BRINP1: variants seen among roughly 807,000 people sequenced by gnomAD.
BRINP1 encodes BMP/retinoic acid-inducible neural-specific protein 1.
In BRINP1, 17 loss-of-function variants were observed where a neutral mutation model predicts 72.9. That is an observed-to-expected ratio of 0.23 (90% confidence interval 0.16 to 0.35). The LOEUF (loss-of-function observed/expected upper bound fraction) is 0.35, where lower values mean the gene tolerates loss of function less well. Among genes scored for constraint, BRINP1 ranks in the 10% least tolerant of loss-of-function variants. The pLI is 1.00. For synonymous variants in BRINP1, 418 were observed against 378.5 expected (o/e 1.10, Z -1.21); for missense variants, 850 against 1,001.6 (o/e 0.85, Z 2.04).
chr9:119,237,368 ATTATTATT>A (rs1285777497), intron 5 of BRINP1, among the ~76,000 whole-genome samples: 5 of 150,304 alleles, frequency 3.3e-5, no homozygotes, highest in Non-Finnish European at 5.9e-5. Context: ...TATTATTATT[ATTATTATT>A]TTGAGGTGGA....
intron 1 of BRINP1, among the ~76,000 whole-genome samples, chr9:119,317,168 G>C (rs755079833): frequency 4.6e-5 from 7 of 152,128 alleles, no homozygotes; most frequent in African/African-American, 7.2e-5. Flanking sequence ...TCCTCTGATG[G>C]ATCTGGGCAT....
chr9:119,278,260 C>G (rs750182796), intron 2 of BRINP1, among the ~76,000 whole-genome samples: 9 of 152,162 alleles, frequency 5.9e-5, no homozygotes, highest in African/African-American at 2.4e-5. Context: ...ATCCCCTCTT[C>G]GCCTCCCTGC....
Position 119,299,748 on chromosome 9 carries a change from A to G in BRINP1, c.218+13390T>C, listed in dbSNP as rs986462610. On this transcript the variant is annotated intron_variant, in intron 2 of 7. Transcript: ENST00000265922. ...AGATTTCCTTCTTTTTGAAGACTGAATAGTATTCCATCATGTATGTATACC... is the reference window on the plus strand; with the variant it reads ...AGATTTCCTTCTTTTTGAAGACTGAGTAGTATTCCATCATGTATGTATACC... Among the ~76,000 whole-genome samples, 38 of 152,154 alleles carry G rather than the reference A, an allele frequency of 2.5e-4. 1 individual carries two copies. Among genetic ancestry groups the G allele is most frequent in the African/African-American group, 9.2e-4 (38 of 41,416 alleles).
intron 2 of BRINP1, among the ~76,000 whole-genome samples, chr9:119,266,821 G>A (rs1830552921): frequency 6.6e-6 from 1 of 152,208 alleles, no homozygotes; most frequent in South Asian, 2.1e-4. Context: ...TGTTGCAAAT[G>A]AAAGAATTTC....
At chr9:119,169,402 C>CCT in intron 7 of BRINP1, among the ~76,000 whole-genome samples, 1 of 152,296 alleles carries the variant, frequency 6.6e-6, no homozygotes, top group African/African-American at 2.4e-5. Flanking sequence ...ACTCCCCCAC[C>CCT]GAATACTGTG....
chr9:119,240,086 T>C (rs141805305), intron 4 of BRINP1, among the ~76,000 whole-genome samples: 48 of 152,124 alleles, frequency 3.2e-4, no homozygotes, highest in Non-Finnish European at 5.9e-4. Context: ...CTGGCCAACA[T>C]GGTGAAACCC....
At chr9:119,362,223 T>C (rs994758425) in intron 1 of BRINP1, among the ~76,000 whole-genome samples, 9 of 152,266 alleles carry the variant, frequency 5.9e-5, no homozygotes, top group Admixed American at 2.6e-4. Flanking sequence ...GATAGGTTCT[T>C]GAGGGGGTCT....
chr9:119,320,470 T>C (rs542353795), intron 1 of BRINP1, among the ~76,000 whole-genome samples: 2 of 152,178 alleles, frequency 1.3e-5, no homozygotes, highest in Non-Finnish European at 2.9e-5. Context: ...AAAGAGCTTA[T>C]TTTTGGTTAG....
At chr9:119,237,874 C>T (rs1444274541) in intron 5 of BRINP1, among the ~76,000 whole-genome samples, 2 of 147,270 alleles carry the variant, frequency 1.4e-5, no homozygotes, top group Non-Finnish European at 3.0e-5. Context: ...ATTGGCCAGG[C>T]TGGACTTAAA....
intron 7 of BRINP1, among the ~76,000 whole-genome samples, chr9:119,205,566 T>C (rs148967706): frequency 2.0e-5 from 3 of 152,270 alleles, no homozygotes; most frequent in East Asian, 3.9e-4. Flanking sequence ...TTACTAGTGG[T>C]AGGACAAATC....
chr9:119,364,138 G>A (rs1301479233), intron 1 of BRINP1, among the ~76,000 whole-genome samples: 1 of 151,646 alleles, frequency 6.6e-6, no homozygotes, highest in African/African-American at 2.4e-5. Flanking sequence ...CAGAAGACAG[G>A]GCTGTGAAGA....
At chr9:119,247,543 T>C (rs1044002388) in intron 3 of BRINP1, among the ~76,000 whole-genome samples, 1 of 151,374 alleles carries the variant, frequency 6.6e-6, no homozygotes, top group African/African-American at 2.4e-5. Context: ...TAGTCCCAGC[T>C]GCTCGGCGGG....
intron 3 of BRINP1, among the ~76,000 whole-genome samples, chr9:119,244,370 A>G (rs1255869664): frequency 6.6e-6 from 1 of 152,196 alleles, no homozygotes; most frequent in Non-Finnish European, 1.5e-5. Context: ...TGGGAAGTGG[A>G]GCAGGGGAAC....
intron 1 of BRINP1, among the ~76,000 whole-genome samples, chr9:119,355,772 C>CT (rs1831558850): frequency 6.6e-6 from 1 of 151,300 alleles, no homozygotes; most frequent in Non-Finnish European, 1.5e-5. Flanking sequence ...ATCCCACCTT[C>CT]TAATGTACAA....
At position 119,208,813 on chromosome 9, in the gene BRINP1, C is replaced by T; in HGVS notation, c.1051G>A (p.Ala351Thr). Residue 351 changes from alanine (A) to threonine (T), a missense_variant, in exon 7 of 8, where the codon GCA (alanine) becomes ACA (threonine). Transcript: ENST00000265922. ...RYKLLQSATE[A>T]QRQKIQRTAR... ...GTGCGTTGGATCTTTTGTCTCTGTG[C>T]CTCCGTGGCACTCTGCAGGAGCTTG... is the stretch of plus-strand genomic sequence containing the variant. 6.2e-7 allele frequency: 1 copy of T among 1,614,162 alleles called. No homozygotes were observed.
At chr9:119,317,928 T>A (rs1445442812) in intron 1 of BRINP1, among the ~76,000 whole-genome samples, 1 of 152,214 alleles carries the variant, frequency 6.6e-6, no homozygotes, top group Non-Finnish European at 1.5e-5. Context: ...TATCCTACAC[T>A]TAATAGGCTA....
chr9:119,359,300 C>T (rs1220005789), intron 1 of BRINP1, among the ~76,000 whole-genome samples: 1 of 152,202 alleles, frequency 6.6e-6, no homozygotes, highest in Non-Finnish European at 1.5e-5. Flanking sequence ...CCCACATAAT[C>T]CTCCTGCCTC....
At chr9:119,339,996 C>T (rs1205372056) in intron 1 of BRINP1, among the ~76,000 whole-genome samples, 2 of 152,110 alleles carry the variant, frequency 1.3e-5, no homozygotes, top group Non-Finnish European at 2.9e-5. Context: ...CCCTGCCCCT[C>T]CCCAAGCTCC....
intron 1 of BRINP1, among the ~76,000 whole-genome samples, chr9:119,324,169 A>T (rs1259827205): frequency 6.6e-6 from 1 of 152,174 alleles, no homozygotes; most frequent in Non-Finnish European, 1.5e-5. Flanking sequence ...CAAACGTCCA[A>T]TTAATTCCAA....
Sources: allele counts gnomAD v4.1 joint callset (sites outside exome capture counted in the v4.1 genomes callset), GRCh38; gene constraint gnomAD v4.1.1; transcripts MANE v1.5; gene names NCBI Gene and HGNC (gene_info 2026-07-23, HGNC 2026-07-21).